RBFOX3: variants seen among roughly 807,000 people sequenced by gnomAD.
RBFOX3 encodes the protein RNA binding protein fox-1 homolog 3.
In RBFOX3, 17 loss-of-function variants were observed where a neutral mutation model predicts 48.7. The ratio of observed to expected loss-of-function variants is 0.35; its 90% CI spans 0.24 to 0.52. The LOEUF is 0.52. RBFOX3 is among the 20% of genes least tolerant of loss of function. RBFOX3 has a pLI of 0.94. For missense variants in RBFOX3, 382 were observed against 497.5 expected (o/e 0.77, Z 2.21); for synonymous variants, 212 against 209.5 (o/e 1.01, Z -0.10).
At position 79,220,287 on chromosome 17, in the gene RBFOX3, G is replaced by T. The variant is rs2059571501; in HGVS notation, c.-34+15479C>A. 6.6e-6 allele frequency among the ~76,000 whole-genome samples: 1 copy of T among 152,236 alleles called. No individual in the cohort carries two copies. Among genetic ancestry groups the T allele is most frequent in the African/African-American group, 2.4e-5 (1 of 41,460 alleles). On this transcript the variant is annotated intron_variant, in intron 4 of 14. Transcript: ENST00000693108. This position sits in a 1 kb window ranked among gnomAD's most constrained non-coding sequence, Gnocchi z 5.9. ...GGCCGCTGGCGGCAGGTTGGTGGGGGTAGGGGCTTGGTCCCCCAACGCTGG... is the reference window on the plus strand; with the variant it reads ...GGCCGCTGGCGGCAGGTTGGTGGGGTTAGGGGCTTGGTCCCCCAACGCTGG...
At chr17:79,309,681 G>A (rs2076577527) in intron 2 of RBFOX3, among the ~76,000 whole-genome samples, 1 of 152,206 alleles carries the variant, frequency 6.6e-6, no homozygotes, top group Non-Finnish European at 1.5e-5. Context: ...ATCCCCATGT[G>A]TTGAGGGAGG....
chr17:79,452,761 C>T (rs1402307282), intron 2 of RBFOX3, among the ~76,000 whole-genome samples: 1 of 152,208 alleles, frequency 6.6e-6, no homozygotes, highest in Non-Finnish European at 1.5e-5. Flanking sequence ...TCCCTGCCAT[C>T]AGTGGAGAAG....
At chr17:79,338,098 C>G (rs905395092) in intron 2 of RBFOX3, among the ~76,000 whole-genome samples, 2 of 152,034 alleles carry the variant, frequency 1.3e-5, no homozygotes, top group Non-Finnish European at 2.9e-5. Context: ...GCCACCATGC[C>G]CGGATAATTT....
intron 4 of RBFOX3, among the ~76,000 whole-genome samples, chr17:79,184,359 T>A (rs151134152): frequency 4.0e-4 from 61 of 152,302 alleles, no homozygotes; most frequent in Non-Finnish European, 7.9e-4. Flanking sequence ...ACACTGGACT[T>A]GACGTGTTTC....
intron 4 of RBFOX3, among the ~76,000 whole-genome samples, chr17:79,157,189 A>C (rs1344151396): frequency 6.6e-6 from 1 of 151,246 alleles, no homozygotes; most frequent in African/African-American, 2.4e-5. Context: ...CTCTGCTCTT[A>C]CTCCCCGTCT....
intron 2 of RBFOX3, among the ~76,000 whole-genome samples, chr17:79,447,514 A>G (rs181672811): frequency 8.5e-5 from 13 of 152,336 alleles, no homozygotes; most frequent in Non-Finnish European, 1.9e-4. Flanking sequence ...TACGGTGCAC[A>G]GTCCCATTTT....
At chr17:79,239,619 G>A (rs537414543) in intron 3 of RBFOX3, among the ~76,000 whole-genome samples, 25 of 152,370 alleles carry the variant, frequency 1.6e-4, no homozygotes, top group Non-Finnish European at 3.4e-4. Context: ...TCCTGGGGGA[G>A]CAGGGAGGGC....
the RBFOX3 span, among the ~76,000 whole-genome samples, chr17:79,619,766 A>C: frequency 2.0e-5 from 3 of 152,020 alleles, no homozygotes; most frequent in Non-Finnish European, 4.4e-5. Flanking sequence ...GGTGTCACCC[A>C]GGAAGCACTC....
intron 9 of RBFOX3, chr17:79,100,504 A>T (rs958627452): frequency 2.6e-5 from 4 of 152,166 alleles, no homozygotes; most frequent in Non-Finnish European, 5.9e-5. Context: ...ACACCAGGAG[A>T]AGAGCTCGGG....
rs1363924690 is a variant in RBFOX3 at position 79,481,086 on chromosome 17, C to A, written c.-175+1368G>T. On this transcript the variant is annotated intron_variant, in intron 2 of 14. Coordinates refer to ENST00000693108, the MANE Select transcript of RBFOX3 (RefSeq NM_001350451.2). This position sits in a 1 kb window ranked among gnomAD's most constrained non-coding sequence, Gnocchi z 5.4. ...CTTCACCAGAGAGAAGCAAGCAGTG[C>A]ACGCCTGGAGAAGCACCCAGACTGT... is the stretch of plus-strand genomic sequence containing the variant. 6.6e-6 allele frequency among the ~76,000 whole-genome samples: 1 copy of A among 152,210 alleles called. No individual in the cohort carries two copies. The highest frequency in any genetic ancestry group is 1.5e-5 in the Non-Finnish European group (1 of 68,042).
intron 2 of RBFOX3, among the ~76,000 whole-genome samples, chr17:79,380,410 C>T (rs114119143): frequency 0.018 from 2,674 of 152,348 alleles, 72 homozygotes; most frequent in African/African-American, 0.061. Flanking sequence ...GGCCGACAGG[C>T]TGTGCATTCA....
intron 1 of RBFOX3, among the ~76,000 whole-genome samples, chr17:79,605,605 C>T (rs1322373374): frequency 2.6e-5 from 4 of 152,194 alleles, no homozygotes; most frequent in Non-Finnish European, 5.9e-5. Context: ...CTTCTGGAGT[C>T]TTGGGAGAAA....
chr17:79,581,304 T>G (rs2093051279), intron 1 of RBFOX3, among the ~76,000 whole-genome samples: 1 of 151,412 alleles, frequency 6.6e-6, no homozygotes, highest in Non-Finnish European at 1.5e-5. Flanking sequence ...ACCAGTGCAC[T>G]TAGGTTGTCA....
chr17:79,275,123 C>CCTCTCTCTCTCTCTCTCTCT lies in RBFOX3; in HGVS notation c.-74+32581_-74+32600dup, dbSNP rs368963249. Among the ~76,000 whole-genome samples the CCTCTCTCTCTCTCTCTCTCT allele has an allele frequency of 6.8e-4, 89 of 130,632 alleles. 2 individuals are homozygous for CCTCTCTCTCTCTCTCTCTCT. Among genetic ancestry groups the CCTCTCTCTCTCTCTCTCTCT allele is most frequent in the East Asian group, 3.2e-3 (14 of 4,326 alleles). The allele number at this position is 130,632 out of a possible 152,430, so 85.7% of individuals were successfully genotyped here. A position where few individuals can be genotyped will look rare whatever the true frequency, so the allele number is the denominator to read the frequency against. The stretch of plus-strand genomic sequence containing the variant: ...CTCTCTGCCTCTCTCTCCATGTCTC[C>CCTCTCTCTCTCTCTCTCTCT]CTCTCTCTCTCTCTCTCTCTCTCTC... On this transcript the variant is annotated intron_variant, in intron 3 of 14. Coordinates refer to ENST00000693108, the MANE Select transcript of RBFOX3 (RefSeq NM_001350451.2).
At chr17:79,639,247 T>A in the RBFOX3 span, among the ~76,000 whole-genome samples, 1 of 152,200 alleles carries the variant, frequency 6.6e-6, no homozygotes, top group East Asian at 1.9e-4. Context: ...CAATCTCGGC[T>A]CACTGCAAGC....
intron 4 of RBFOX3, among the ~76,000 whole-genome samples, chr17:79,191,522 G>A (rs949692521): frequency 3.3e-5 from 5 of 152,172 alleles, no homozygotes; most frequent in African/African-American, 1.2e-4. Flanking sequence ...GCACACAAAG[G>A]CCCGGAGAGG....
intron 4 of RBFOX3, among the ~76,000 whole-genome samples, chr17:79,144,471 G>C (rs2042609912): frequency 6.6e-6 from 1 of 152,166 alleles, no homozygotes; most frequent in Non-Finnish European, 1.5e-5. Flanking sequence ...GCTCTTTCCT[G>C]GTGTGGGGCA....
intron 2 of RBFOX3, among the ~76,000 whole-genome samples, chr17:79,347,482 T>C (rs2083106826): frequency 6.6e-6 from 1 of 152,232 alleles, no homozygotes; most frequent in Admixed American, 6.5e-5. Flanking sequence ...ATGATCCACA[T>C]GTTAACAACT....
intron 1 of RBFOX3, among the ~76,000 whole-genome samples, chr17:79,554,156 A>G (rs2091402957): frequency 6.6e-6 from 1 of 152,166 alleles, no homozygotes; most frequent in Non-Finnish European, 1.5e-5. Context: ...ATATTAGTTC[A>G]TTAATGGCTT....
Sources: gnomAD v4.1 joint callset for allele counts (sites outside exome capture counted in the v4.1 genomes callset) on GRCh38, gnomAD v4.1.1 for gene constraint, Gnocchi (gnomAD v3.1) non-coding constraint, MANE v1.5 for transcripts, NCBI Gene and HGNC (gene_info 2026-07-23, HGNC 2026-07-21) for gene names.